TTC28: variants seen among roughly 807,000 people sequenced by gnomAD.
TTC28 encodes tetratricopeptide repeat domain 28.
TTC28 carries 61 observed loss-of-function variants against 198.0 expected under a neutral mutation model. That is an observed-to-expected ratio of 0.31 (90% confidence interval 0.25 to 0.38). The LOEUF (loss-of-function observed/expected upper bound fraction) is 0.38, where lower values mean the gene tolerates loss of function less well. TTC28 is among the 10% of genes least tolerant of loss of function. The probability of loss-of-function intolerance (pLI) is 1.00; values close to 1 mark genes in which losing one functional copy is unlikely to be tolerated. For synonymous variants in TTC28, 1,171 were observed against 1,297.8 expected (o/e 0.90, Z 2.10); for missense variants, 2,678 against 3,164.0 (o/e 0.85, Z 3.69).
At chr22:28,180,093 C>A (rs1209312496) in intron 5 of TTC28, among the ~76,000 whole-genome samples, 1 of 152,084 alleles carries the variant, frequency 6.6e-6, no homozygotes, top group Non-Finnish European at 1.5e-5. Context: ...CATGGGGAAT[C>A]AATAGCTACT....
At chr22:28,016,153 A>G (rs1938364723) in intron 13 of TTC28, among the ~76,000 whole-genome samples, 1 of 152,024 alleles carries the variant, frequency 6.6e-6, no homozygotes, top group Non-Finnish European at 1.5e-5. Flanking sequence ...AGGGCCAGGG[A>G]GCCCACTCAC....
intron 5 of TTC28, among the ~76,000 whole-genome samples, chr22:28,268,463 G>A (rs571423286): frequency 1.4e-4 from 22 of 152,160 alleles, no homozygotes; most frequent in African/African-American, 2.2e-4. Flanking sequence ...GACTGACTTC[G>A]AGACTCATCT....
intron 12 of TTC28, among the ~76,000 whole-genome samples, chr22:28,031,236 C>T (rs1939063089): frequency 6.6e-6 from 1 of 152,182 alleles, no homozygotes. Flanking sequence ...CCATCCTCCT[C>T]CATGCCACAC....
At chr22:28,517,648 G>C (rs2048817327) in intron 2 of TTC28, among the ~76,000 whole-genome samples, 1 of 152,158 alleles carries the variant, frequency 6.6e-6, no homozygotes, top group Non-Finnish European at 1.5e-5. Context: ...TTAAGCTACA[G>C]AATGTCTCAG....
intron 2 of TTC28, among the ~76,000 whole-genome samples, chr22:28,539,321 A>C (rs990507921): frequency 6.6e-6 from 1 of 152,142 alleles, no homozygotes; most frequent in Non-Finnish European, 1.5e-5. Context: ...TGTCAGGAAT[A>C]GATTCTTGAG....
chr22:27,992,849 G>A (rs369168975), intron 18 of TTC28, 186 bp from the exon 19 acceptor site: 1 of 641,222 alleles, frequency 1.6e-6, no homozygotes, highest in African/African-American at 1.8e-5. Context: ...AGGAAGGTGG[G>A]TGGAAGTGGG....
chr22:28,580,773 A>G (rs1352331005), intron 2 of TTC28, among the ~76,000 whole-genome samples: 1 of 152,086 alleles, frequency 6.6e-6, no homozygotes, highest in African/African-American at 2.4e-5. Flanking sequence ...ATAAAATCTG[A>G]TTTTTGGGAG....
chr22:28,471,894 A>G (rs1032067272), intron 2 of TTC28, among the ~76,000 whole-genome samples: 3 of 152,150 alleles, frequency 2.0e-5, no homozygotes, highest in African/African-American at 7.2e-5. Context: ...TTATTAGGAT[A>G]TATCTCTTAA....
intron 5 of TTC28, among the ~76,000 whole-genome samples, chr22:28,179,312 AC>A (rs1219758974): frequency 6.6e-6 from 1 of 151,876 alleles, no homozygotes; most frequent in East Asian, 1.9e-4. Context: ...GGTGTGTGCC[AC>A]CATGCACAGC....
In TTC28 at chr22:28,033,907, A is replaced by T. The variant is rs114287693; in HGVS notation, c.3933-3541T>A. ...CACTTCCGCCCTAAGAAGCTGCTAG[A>T]TATGCACACTAATCTCTGCAACATG... On this transcript the variant is annotated intron_variant, in intron 12 of 22. Coordinates refer to ENST00000397906, the MANE Select transcript of TTC28 (RefSeq NM_001145418.2). Among the ~76,000 whole-genome samples, 1,459 of 152,314 alleles carry T rather than the reference A, an allele frequency of 9.6e-3. 26 individuals carry two copies. Among genetic ancestry groups the T allele is most frequent in the African/African-American group, 0.033 (1,359 of 41,560 alleles).
Position 28,030,283 on chromosome 22 carries a change from G to C in TTC28, c.4016C>G (p.Ser1339Trp). ...CAGAAAGCCAGTGGGGTCAGTGACC[G>C]AGTTGAGTTTGTTGTTCATCTCTTC... Reference protein sequence around the residue: ...QFEEMNNKLNSVTDPTGFLRM... With the variant: ...QFEEMNNKLNWVTDPTGFLRM... The change falls in exon 13 of 23, where the codon TCG becomes TGG. Residue 1339 changes from serine (S) to tryptophan (W), a missense_variant. Physicochemically the swap from Ser to Trp is radical, Grantham distance 177. Coordinates refer to ENST00000397906, the MANE Select transcript of TTC28 (RefSeq NM_001145418.2). 8 of 1,551,794 alleles carry C rather than the reference G, an allele frequency of 5.2e-6. No individual in the cohort carries two copies. The highest frequency in any genetic ancestry group is 7.0e-6 in the Non-Finnish European group (8 of 1,147,012).
intron 2 of TTC28, among the ~76,000 whole-genome samples, chr22:28,521,948 T>C (rs766149373): frequency 5.3e-5 from 8 of 152,142 alleles, no homozygotes; most frequent in African/African-American, 1.4e-4. Context: ...AAGGCTCTGA[T>C]TGGATTAAAA....
intron 19 of TTC28, among the ~76,000 whole-genome samples, chr22:27,991,096 G>T (rs932389073): frequency 6.6e-6 from 1 of 152,074 alleles, no homozygotes; most frequent in Admixed American, 6.5e-5. Context: ...AGAGCACAGC[G>T]GGCGTTTGTA....
At chr22:28,379,310 G>A (rs1425241216) in intron 2 of TTC28, among the ~76,000 whole-genome samples, 2 of 152,140 alleles carry the variant, frequency 1.3e-5, no homozygotes, top group Non-Finnish European at 2.9e-5. Flanking sequence ...CAGGGACTCA[G>A]ACATATATTT....
chr22:28,345,757 A>G (rs9608677), intron 2 of TTC28, among the ~76,000 whole-genome samples: 28,041 of 152,194 alleles, frequency 0.18, 3,305 homozygotes, highest in Non-Finnish European at 0.26. Context: ...TACGAAAACA[A>G]CAAAGAATCA....
At chr22:28,525,717 C>A (rs1490219968) in intron 2 of TTC28, among the ~76,000 whole-genome samples, 1 of 152,096 alleles carries the variant, frequency 6.6e-6, no homozygotes, top group Non-Finnish European at 1.5e-5. Context: ...TAATAAAATT[C>A]ATTCTTGTAT....
intron 2 of TTC28, among the ~76,000 whole-genome samples, chr22:28,386,364 T>A (rs1376383231): frequency 6.6e-6 from 1 of 150,950 alleles, no homozygotes; most frequent in Non-Finnish European, 1.5e-5. Context: ...TACTTTCACA[T>A]TACTTTGCTT....
intron 15 of TTC28, 73 bp from the exon 16 acceptor site, chr22:27,999,333 G>A: frequency 6.8e-7 from 1 of 1,475,672 alleles, no homozygotes; most frequent in Non-Finnish European, 9.0e-7. Context: ...GGTCGGCCGA[G>A]CACAGGGACG....
At chr22:28,377,420 T>C (rs1260299348) in intron 2 of TTC28, among the ~76,000 whole-genome samples, 2 of 152,006 alleles carry the variant, frequency 1.3e-5, no homozygotes, top group African/African-American at 2.4e-5. Context: ...AATATTTATA[T>C]ATCACTTTAT....
Sources: gnomAD v4.1 joint callset for allele counts (sites outside exome capture counted in the v4.1 genomes callset) on GRCh38, gnomAD v4.1.1 for gene constraint, MANE v1.5 for transcripts, NCBI Gene and HGNC (gene_info 2026-07-23, HGNC 2026-07-21) for gene names.